Variants in C11orf65 observed in about 807,000 individuals in gnomAD.
C11orf65 encodes chromosome 11 open reading frame 65.
A neutral mutation model predicts 35.3 loss-of-function variants in C11orf65; 38 were observed. The observed-to-expected ratio is 1.08, with a 90% CI of 0.83 to 1.41. The LOEUF (loss-of-function observed/expected upper bound fraction) is 1.41, where lower values mean the gene tolerates loss of function less well. Among genes scored for constraint, C11orf65 ranks in the 40% most tolerant of loss-of-function variants. The pLI is 0.00. For missense variants in C11orf65, 370 were observed against 367.1 expected (o/e 1.01, Z -0.06); for synonymous variants, 105 against 114.4 (o/e 0.92, Z 0.53).
chr11:108,390,241 G>A (rs1309459123), intron 7 of C11orf65, among the ~76,000 whole-genome samples: 2 of 151,856 alleles, frequency 1.3e-5, no homozygotes, highest in Non-Finnish European at 2.9e-5. Context: ...AGCCAGGATA[G>A]TCTCGATCTC....
At chr11:108,359,750 A>G (rs2090479940) in intron 2 of C11orf65, among the ~76,000 whole-genome samples, 1 of 152,194 alleles carries the variant, frequency 6.6e-6, no homozygotes, top group Non-Finnish European at 1.5e-5. Flanking sequence ...GAAACCAACG[A>G]GAACAAAGAC....
chr11:108,346,624 T>C (rs918739848), intron 2 of C11orf65: 1 of 153,388 alleles, frequency 6.5e-6, no homozygotes, highest in African/African-American at 2.4e-5. Flanking sequence ...ACATAGAGAA[T>C]CACTAATCTG....
intron 3 of C11orf65, among the ~76,000 whole-genome samples, chr11:108,407,922 A>G (rs1565658474): frequency 8.8e-6 from 1 of 114,066 alleles, no homozygotes; most frequent in Non-Finnish European, 1.8e-5. Flanking sequence ...ACAGAGCAAG[A>G]CTCTGTCTCA....
At chr11:108,335,701 G>A in intron 2 of C11orf65, 1 of 671,992 alleles carries the variant, frequency 1.5e-6, no homozygotes, top group East Asian at 2.7e-5. Context: ...AAGAATGGCA[G>A]TAGGTATTTA....
chr11:108,369,995 A>G (rs2091509256), intron 2 of C11orf65, among the ~76,000 whole-genome samples: 1 of 151,998 alleles, frequency 6.6e-6, no homozygotes, highest in Admixed American at 6.6e-5. Flanking sequence ...ATCTTTTCCA[A>G]TTCTGTAGCT....
intron 3 of C11orf65, among the ~76,000 whole-genome samples, chr11:108,416,988 C>A (rs1344956643): frequency 1.3e-5 from 2 of 152,130 alleles, no homozygotes; most frequent in East Asian, 1.9e-4. Flanking sequence ...TATATGATTT[C>A]ATAAGTCAAA....
intron 2 of C11orf65, among the ~76,000 whole-genome samples, chr11:108,452,193 G>T (rs1294150051): frequency 1.3e-5 from 2 of 152,036 alleles, no homozygotes; most frequent in South Asian, 2.1e-4. Context: ...CACAGCAAAA[G>T]AAACTACCAT....
intron 2 of C11orf65, among the ~76,000 whole-genome samples, chr11:108,374,965 CT>C: frequency 6.6e-6 from 1 of 152,248 alleles, no homozygotes; most frequent in South Asian, 2.1e-4. Context: ...CGAACAAAGC[CT>C]CCAAGAAATA....
intron 8 of C11orf65, among the ~76,000 whole-genome samples, 174 bp from the exon 9 acceptor site, chr11:108,383,349 C>A (rs1051647724): frequency 6.6e-6 from 1 of 152,220 alleles, no homozygotes; most frequent in Non-Finnish European, 1.5e-5. Flanking sequence ...TTCACTCCCA[C>A]ATATCACTGT....
chr11:108,358,475 C>T (rs201881420), intron 2 of C11orf65, among the ~76,000 whole-genome samples: 32 of 148,514 alleles, frequency 2.2e-4, no homozygotes, highest in Non-Finnish European at 3.0e-4. Context: ...AGAAGAGCAA[C>T]TCCAAGACAC....
At chr11:108,378,384 G>C (rs2091783555), downstream of C11orf65, among the ~76,000 whole-genome samples, 1 of 141,940 alleles carries the variant, frequency 7.0e-6, no homozygotes, top group East Asian at 2.0e-4. Context: ...ATGGGGAAAG[G>C]ATTCCCTATT....
intron 2 of C11orf65, among the ~76,000 whole-genome samples, chr11:108,459,777 A>G (rs1591617040): frequency 1.3e-5 from 2 of 148,376 alleles, no homozygotes; most frequent in East Asian, 4.1e-4. Context: ...ACACCTCTTT[A>G]TTTACATGGC....
intron 2 of C11orf65, among the ~76,000 whole-genome samples, chr11:108,456,117 T>C (rs946845160): frequency 5.3e-5 from 8 of 152,278 alleles, no homozygotes; most frequent in African/African-American, 1.9e-4. Context: ...ATTGTGCCAC[T>C]GCACTCCAGC....
At chr11:108,367,778 T>C in intron 2 of C11orf65, 1 of 215,606 alleles carries the variant, frequency 4.6e-6, no homozygotes, top group Non-Finnish European at 9.4e-6. Context: ...GTTTGACTTC[T>C]GGAGAACTGT....
At chr11:108,353,946 T>C in intron 2 of C11orf65, 1 of 1,463,710 alleles carries the variant, frequency 6.8e-7, no homozygotes. Flanking sequence ...CTGGGCATGG[T>C]TCTTTGCACC....
intron 2 of C11orf65, among the ~76,000 whole-genome samples, chr11:108,372,210 C>CATTT (rs2091592263): frequency 6.6e-6 from 1 of 151,914 alleles, no homozygotes; most frequent in African/African-American, 2.4e-5. Context: ...TTCATTCATT[C>CATTT]TGAGATGGAG....
chr11:108,424,195 T>C lies in C11orf65; in HGVS notation c.174+7551A>G, dbSNP rs2092864984. 2.0e-5 allele frequency among the ~76,000 whole-genome samples: 3 copies of C among 151,978 alleles called. No individual in the cohort carries two copies. In the South Asian group the frequency reaches 6.2e-4, roughly 32 times the overall value. On this transcript the variant is annotated intron_variant, in intron 3 of 8. Coordinates refer to ENST00000393084, the MANE Select transcript of C11orf65 (RefSeq NM_152587.5). ...GGAATTGCTATCTAGAATAACCAGT[T>C]TAGAGAAGAATATAAATGACCTGAT... is the stretch of plus-strand genomic sequence containing the variant.
intron 2 of C11orf65, chr11:108,355,132 A>ATTCTT: frequency 2.1e-6 from 1 of 479,742 alleles, no homozygotes; most frequent in Non-Finnish European, 3.8e-6. Context: ...TCATAAATCA[A>ATTCTT]TTCTTTGACA....
downstream of C11orf65, among the ~76,000 whole-genome samples, chr11:108,381,254 G>C (rs2091859685): frequency 6.6e-6 from 1 of 152,130 alleles, no homozygotes; most frequent in African/African-American, 2.4e-5. Flanking sequence ...GATCCCTTGG[G>C]AATTTGTGCT....
Sources: gnomAD v4.1 joint callset for allele counts (sites outside exome capture counted in the v4.1 genomes callset) on GRCh38, gnomAD v4.1.1 for gene constraint, MANE v1.5 for transcripts, NCBI Gene and HGNC (gene_info 2026-07-23, HGNC 2026-07-21) for gene names.